ZFHX3: variants seen among roughly 807,000 people sequenced by gnomAD.
The protein encoded by ZFHX3 is zinc finger homeobox protein 3.
Under a neutral mutation model 279.1 loss-of-function variants are expected in ZFHX3, and 42 were observed. The observed-to-expected ratio is 0.15, with a 90% CI of 0.12 to 0.19. The LOEUF (loss-of-function observed/expected upper bound fraction) is 0.19, where lower values mean the gene tolerates loss of function less well. Ranked by LOEUF, ZFHX3 falls within the 10% of genes least tolerant of loss-of-function variation. The pLI is 1.00. For synonymous variants in ZFHX3, 2,293 were observed against 1,957.8 expected, an observed-to-expected ratio of 1.17 and a Z score of -4.52; for missense variants, 4,981 against 4,754.0, an observed-to-expected ratio of 1.05 and a Z score of -1.40.
At chr16:73,775,037 T>C (rs987400721) in intron 1 of ZFHX3, among the ~76,000 whole-genome samples, 1 of 151,978 alleles carries the variant, frequency 6.6e-6, no homozygotes, top group East Asian at 1.9e-4. Context: ...CCTGCTTCCA[T>C]CCCCGCCTCT....
intron 4 of ZFHX3, among the ~76,000 whole-genome samples, chr16:72,834,264 A>G (rs1003630898): frequency 3.3e-5 from 5 of 152,130 alleles, no homozygotes; most frequent in Admixed American, 2.6e-4. Flanking sequence ...AAAACAAAAC[A>G]AAACTCTTTC....
intron 2 of ZFHX3, among the ~76,000 whole-genome samples, chr16:73,613,476 G>A (rs1238360000): frequency 6.6e-6 from 1 of 151,216 alleles, no homozygotes; most frequent in African/African-American, 2.4e-5. Flanking sequence ...TGAGGCAGAA[G>A]TCTGAGATTC....
At chr16:73,163,804 A>G (rs944630637) in intron 5 of ZFHX3, among the ~76,000 whole-genome samples, 1 of 152,230 alleles carries the variant, frequency 6.6e-6, no homozygotes, top group Non-Finnish European at 1.5e-5. Context: ...AACTTTCCAT[A>G]TCAATATTTT....
chr16:73,394,224 G>A (rs1451712387), intron 3 of ZFHX3, among the ~76,000 whole-genome samples: 2 of 144,328 alleles, frequency 1.4e-5, no homozygotes, highest in Non-Finnish European at 3.0e-5. Flanking sequence ...TTCCAGAAGT[G>A]TATCTTTGTT....
At chr16:73,799,553 G>T (rs561393526) in intron 1 of ZFHX3, among the ~76,000 whole-genome samples, 1 of 152,148 alleles carries the variant, frequency 6.6e-6, no homozygotes, top group Non-Finnish European at 1.5e-5. Flanking sequence ...TGGTGCACCT[G>T]TTGCTCACAT....
chr16:73,493,848 T>C (rs2019093122), intron 2 of ZFHX3, among the ~76,000 whole-genome samples: 1 of 152,170 alleles, frequency 6.6e-6, no homozygotes, highest in Admixed American at 6.5e-5. Context: ...ATCTTCCATG[T>C]CATCTGGCAC....
chr16:73,431,125 C>T (rs190784209), intron 3 of ZFHX3, among the ~76,000 whole-genome samples: 260 of 152,314 alleles, frequency 1.7e-3, no homozygotes, highest in Non-Finnish European at 3.1e-3. Context: ...TAACCCTAAA[C>T]GGCATTGACA....
intron 1 of ZFHX3, chr16:73,813,974 A>T (rs962859219): frequency 6.6e-6 from 1 of 152,060 alleles, no homozygotes; most frequent in Admixed American, 6.6e-5. Context: ...ATTTCTTTCA[A>T]TCTCCTGTTA....
At chr16:73,509,616 CT>C (rs2019390103) in intron 2 of ZFHX3, among the ~76,000 whole-genome samples, 1 of 148,332 alleles carries the variant, frequency 6.7e-6, no homozygotes, top group Non-Finnish European at 1.5e-5. Context: ...CCTCCACCCC[CT>C]GGGTTCAAGC....
intron 2 of ZFHX3, chr16:73,486,736 A>AT (rs375191368): frequency 3.6e-4 from 159 of 442,156 alleles, no homozygotes; most frequent in South Asian, 5.5e-4. Context: ...TCTCTTGCTC[A>AT]TTTTTTTTTC....
intron 7 of ZFHX3, among the ~76,000 whole-genome samples, chr16:73,101,354 C>T (rs1034323295): frequency 3.3e-5 from 5 of 152,120 alleles, no homozygotes; most frequent in African/African-American, 1.2e-4. Context: ...TCTTTTGGCA[C>T]AAGTAATATA....
intron 2 of ZFHX3, among the ~76,000 whole-genome samples, chr16:73,568,953 GC>G (rs1465107240): frequency 6.6e-6 from 1 of 151,904 alleles, no homozygotes; most frequent in African/African-American, 2.4e-5. Context: ...TGTGCCTCCG[GC>G]GACTCAACTT....
At chr16:72,896,638 C>A (rs557011193) in intron 3 of ZFHX3, among the ~76,000 whole-genome samples, 2 of 152,104 alleles carry the variant, frequency 1.3e-5, no homozygotes, top group African/African-American at 4.8e-5. Context: ...AATAATGCAT[C>A]GTGAAAATCA....
chr16:73,320,855 C>T (rs1199943996), intron 3 of ZFHX3, among the ~76,000 whole-genome samples: 1 of 152,194 alleles, frequency 6.6e-6, no homozygotes, highest in Non-Finnish European at 1.5e-5. Flanking sequence ...GAAGCCTTCA[C>T]ACCGGCAAAT....
At chr16:73,052,069 G>A (rs986876266), upstream of ZFHX3, among the ~76,000 whole-genome samples, 10 of 152,092 alleles carry the variant, frequency 6.6e-5, no homozygotes, top group African/African-American at 9.7e-5. Context: ...CATTCCCACC[G>A]TCTGACACAT....
At chr16:72,885,267 C>G (rs2144047234) in intron 4 of ZFHX3, among the ~76,000 whole-genome samples, 1 of 152,396 alleles carries the variant, frequency 6.6e-6, no homozygotes, top group Middle Eastern at 3.4e-3. Context: ...TATTAGCACA[C>G]AGCTGGCGGC....
intron 2 of ZFHX3, chr16:73,487,326 T>C: frequency 2.9e-6 from 1 of 341,250 alleles, no homozygotes; most frequent in African/African-American, 2.2e-5. Context: ...CTCAAATGTC[T>C]TCTGAACCCA....
At chr16:73,079,447 C>T (rs1251822166) in intron 8 of ZFHX3, among the ~76,000 whole-genome samples, 1 of 152,076 alleles carries the variant, frequency 6.6e-6, no homozygotes, top group Non-Finnish European at 1.5e-5. Context: ...ATCACTTGAA[C>T]CCAGGAGGCA....
At chr16:73,717,092 A>G (rs1394227421) in intron 1 of ZFHX3, among the ~76,000 whole-genome samples, 1 of 152,226 alleles carries the variant, frequency 6.6e-6, no homozygotes, top group African/African-American at 2.4e-5. Flanking sequence ...GAAGAAAACC[A>G]GATGAAAGAC....
Sources: gnomAD v4.1 joint callset for allele counts (sites outside exome capture counted in the v4.1 genomes callset) on GRCh38, gnomAD v4.1.1 for gene constraint, MANE v1.5 for transcripts, NCBI Gene and HGNC (gene_info 2026-07-23, HGNC 2026-07-21) for gene names.